The following PIP4K2A variants were observed in gnomAD, a reference collection of about 807,000 sequenced individuals.
PIP4K2A encodes the protein phosphatidylinositol-5-phosphate 4-kinase type 2 alpha.
PIP4K2A carries 14 observed loss-of-function variants against 42.9 expected under a neutral mutation model. That is an observed-to-expected ratio of 0.33 (90% CI 0.22 to 0.51). The LOEUF is 0.51. Ranked by LOEUF, PIP4K2A falls within the 20% of genes least tolerant of loss-of-function variation. The pLI is 0.97. For missense variants in PIP4K2A, 434 were observed against 519.8 expected (o/e 0.83, Z 1.61); for synonymous variants, 192 against 192.2 (o/e 1.00, Z 0.01).
chr10:22,616,855 T>C (rs992281843), intron 1 of PIP4K2A, among the ~76,000 whole-genome samples: 5 of 152,218 alleles, frequency 3.3e-5, no homozygotes, highest in African/African-American at 4.8e-5. Flanking sequence ...ATCTAACATT[T>C]CTTGTCATTT....
At chr10:22,696,070 C>T (rs548440838) in intron 1 of PIP4K2A, among the ~76,000 whole-genome samples, 2 of 152,282 alleles carry the variant, frequency 1.3e-5, no homozygotes, top group East Asian at 1.9e-4. Flanking sequence ...TGTAATCCCT[C>T]CTCAGAGGGA....
intron 1 of PIP4K2A, among the ~76,000 whole-genome samples, chr10:22,618,375 G>A (rs1838226455): frequency 6.6e-6 from 1 of 152,164 alleles, no homozygotes; most frequent in South Asian, 2.1e-4. Context: ...GCTTTAAGAA[G>A]TGAATGAACA....
intron 1 of PIP4K2A, among the ~76,000 whole-genome samples, chr10:22,667,348 G>A (rs780040527): frequency 2.0e-5 from 3 of 151,100 alleles, no homozygotes; most frequent in Non-Finnish European, 3.0e-5. Flanking sequence ...AACAGAGCAC[G>A]TTAAGTCTTG....
intron 4 of PIP4K2A, among the ~76,000 whole-genome samples, chr10:22,577,926 G>A (rs1475694858): frequency 2.0e-5 from 3 of 152,100 alleles, no homozygotes; most frequent in African/African-American, 7.2e-5. Flanking sequence ...GGGCAACTGG[G>A]GACACCTGAT....
intron 4 of PIP4K2A, among the ~76,000 whole-genome samples, chr10:22,587,875 G>C (rs541276052): frequency 2.6e-5 from 4 of 152,314 alleles, no homozygotes; most frequent in South Asian, 2.1e-4. Context: ...TGTTTGACTC[G>C]GCGGACTGCA....
At chr10:22,702,614 A>G (rs1458499780) in intron 1 of PIP4K2A, among the ~76,000 whole-genome samples, 2 of 152,198 alleles carry the variant, frequency 1.3e-5, no homozygotes, top group East Asian at 3.8e-4. Context: ...CAGTTACCCC[A>G]TACCTCTTAT....
At chr10:22,708,650 T>C (rs1488905340) in intron 1 of PIP4K2A, among the ~76,000 whole-genome samples, 1 of 152,208 alleles carries the variant, frequency 6.6e-6, no homozygotes, top group Non-Finnish European at 1.5e-5. Context: ...GAGGAATCCT[T>C]AGTGGTAAAG....
At chr10:22,610,435 G>A (rs1838004385) in intron 1 of PIP4K2A, among the ~76,000 whole-genome samples, 1 of 152,198 alleles carries the variant, frequency 6.6e-6, no homozygotes, top group Non-Finnish European at 1.5e-5. Flanking sequence ...AACTATTTTT[G>A]CATGTTGACT....
intron 1 of PIP4K2A, among the ~76,000 whole-genome samples, chr10:22,680,711 C>T (rs146973105): frequency 1.3e-5 from 2 of 152,274 alleles, no homozygotes; most frequent in East Asian, 1.9e-4. Context: ...TGTGTTCCTG[C>T]GACAGCTCAG....
chr10:22,703,775 A>T (rs148828494), intron 1 of PIP4K2A, among the ~76,000 whole-genome samples: 1 of 152,362 alleles, frequency 6.6e-6, no homozygotes, highest in East Asian at 1.9e-4. Flanking sequence ...ACCAAACAGG[A>T]GGCTACCACA....
At chr10:22,629,077 AAAC>A (rs1838501335) in intron 1 of PIP4K2A, among the ~76,000 whole-genome samples, 1 of 152,144 alleles carries the variant, frequency 6.6e-6, no homozygotes, top group Non-Finnish European at 1.5e-5. Context: ...AAAAAATCCA[AAAC>A]AACAATTTTC....
At chr10:22,648,430 T>C (rs1467750342) in intron 1 of PIP4K2A, among the ~76,000 whole-genome samples, 1 of 152,244 alleles carries the variant, frequency 6.6e-6, no homozygotes, top group African/African-American at 2.4e-5. Context: ...ATTTCTTCCA[T>C]GGGACAACTT....
chr10:22,559,717 G>A (rs1021064426), intron 6 of PIP4K2A, among the ~76,000 whole-genome samples: 2 of 152,120 alleles, frequency 1.3e-5, no homozygotes, highest in African/African-American at 4.8e-5. Flanking sequence ...TTTTAGTGAT[G>A]GTCAGGCCAG....
At chr10:22,684,392 T>C (rs886546300) in intron 1 of PIP4K2A, among the ~76,000 whole-genome samples, 4 of 152,220 alleles carry the variant, frequency 2.6e-5, no homozygotes, top group African/African-American at 9.6e-5. Context: ...AGAAAGTTGT[T>C]TAAAAAACTT....
At chr10:22,663,187 C>T (rs532303053) in intron 1 of PIP4K2A, among the ~76,000 whole-genome samples, 2 of 152,290 alleles carry the variant, frequency 1.3e-5, no homozygotes, top group South Asian at 4.1e-4. Context: ...TCAAAGGTCA[C>T]GTCTCTGAGA....
intron 1 of PIP4K2A, among the ~76,000 whole-genome samples, chr10:22,650,546 GA>G (rs1838973558): frequency 6.6e-6 from 1 of 152,180 alleles, no homozygotes; most frequent in Admixed American, 6.5e-5. Flanking sequence ...CTATACACAA[GA>G]GAACCTATTT....
At chr10:22,705,387 T>A (rs939567235) in intron 1 of PIP4K2A, among the ~76,000 whole-genome samples, 2 of 138,474 alleles carry the variant, frequency 1.4e-5, no homozygotes, top group African/African-American at 2.8e-5. Context: ...CTGCAGGATC[T>A]TTTTTACCCC....
At chr10:22,684,539 T>G (rs1288287072) in intron 1 of PIP4K2A, among the ~76,000 whole-genome samples, 1 of 152,238 alleles carries the variant, frequency 6.6e-6, no homozygotes, top group Admixed American at 6.5e-5. Context: ...TTGGCTTTCC[T>G]TGTCCTCTTA....
At chr10:22,603,508 C>G (rs1343500184) in intron 3 of PIP4K2A, among the ~76,000 whole-genome samples, 1 of 151,932 alleles carries the variant, frequency 6.6e-6, no homozygotes, top group Non-Finnish European at 1.5e-5. Context: ...AAGAGGGGTG[C>G]AGATTTTCAT....
Sources: gnomAD v4.1 joint callset for allele counts (sites outside exome capture counted in the v4.1 genomes callset) on GRCh38, gnomAD v4.1.1 for gene constraint, MANE v1.5 for transcripts, NCBI Gene and HGNC (gene_info 2026-07-23, HGNC 2026-07-21) for gene names.